Variants in SVOP observed in about 807,000 individuals in gnomAD.
The protein encoded by SVOP is synaptic vesicle 2-related protein.
In SVOP, 17 loss-of-function variants were observed where a neutral mutation model predicts 69.1. That is an observed-to-expected ratio of 0.25 (90% CI 0.17 to 0.37). SVOP has a LOEUF of 0.37. SVOP is among the 10% of genes least tolerant of loss of function. The pLI is 1.00. For synonymous variants in SVOP, 238 were observed against 238.6 expected, an observed-to-expected ratio of 1.00 and a Z score of 0.02; for missense variants, 435 against 597.5, an observed-to-expected ratio of 0.73 and a Z score of 2.84.
chr12:108,925,277 C>T (rs1261010565), intron 11 of SVOP, among the ~76,000 whole-genome samples: 3 of 152,188 alleles, frequency 2.0e-5, no homozygotes, highest in Non-Finnish European at 1.5e-5. Flanking sequence ...AAACGCCCTC[C>T]TTTCTCCTAC....
chr12:109,001,707 G>A (rs1416130594), intron 1 of SVOP, among the ~76,000 whole-genome samples: 30 of 146,176 alleles, frequency 2.1e-4, no homozygotes, highest in African/African-American at 7.4e-4. Flanking sequence ...AAGCAATGGG[G>A]AAAGGATTCC....
In SVOP at chr12:108,974,599, C is replaced by T. The variant is rs528808125; in HGVS notation, c.382-2123G>A. 1.4e-4 allele frequency among the ~76,000 whole-genome samples: 21 copies of T among 151,964 alleles called. No individual in the cohort carries two copies. In the South Asian group the frequency reaches 4.0e-3, roughly 29 times the overall value. ...TAAAAAAATTAGCTGGGCATGGTGG[C>T]GTGTGTCTTTGGTCCCAGCTGCTCA... On this transcript the variant is annotated intron_variant, in intron 4 of 15. Transcript: ENST00000610966.
Position 108,937,357 on chromosome 12 carries a change from T to C in SVOP, c.898-20A>G, listed in dbSNP as rs111316746. ...GTCTTCCTGTTTCAAAACAAGGACA[T>C]AGTGTTTATTCTCTCCCCTACAGAT... On this transcript the variant is annotated intron_variant, in intron 9 of 15. Transcript: ENST00000610966. 6.2e-7 allele frequency: 1 copy of C among 1,612,070 alleles called. No individual in the cohort carries two copies. The highest frequency in any genetic ancestry group is 8.5e-7 in the Non-Finnish European group (1 of 1,178,294).
intron 1 of SVOP, among the ~76,000 whole-genome samples, chr12:108,992,037 C>T (rs567025043): frequency 2.6e-5 from 4 of 152,172 alleles, no homozygotes; most frequent in African/African-American, 9.6e-5. Context: ...TGAAAGTCAG[C>T]GGTGTGCGTA....
Position 108,977,422 on chromosome 12 carries a change from G to C in SVOP, c.357C>G (p.Ser119Arg). The change falls in exon 4 of 16, where the codon AGC (serine) becomes AGG (arginine). Residue 119 changes from serine to arginine, a missense_variant. Physicochemically the swap from Ser to Arg is moderately radical, Grantham distance 110. Coordinates refer to ENST00000610966, the MANE Select transcript of SVOP (RefSeq NM_018711.5). The part of the protein sequence containing the change: ...PQLHCEWRLP[S>R]WQVALLTSVV... ...CCGAGGTCAGCAATGCCACCTGCCAGCTTGGGAGCCTCCACTCGCAATGCA... is the reference window on the plus strand; with the variant it reads ...CCGAGGTCAGCAATGCCACCTGCCACCTTGGGAGCCTCCACTCGCAATGCA... The C allele has an allele frequency of 6.5e-7, 1 of 1,537,208 alleles. No individual in the cohort carries two copies. Among genetic ancestry groups the C allele is most frequent in the African/African-American group, 1.4e-5 (1 of 73,182 alleles).
intron 1 of SVOP, among the ~76,000 whole-genome samples, chr12:109,010,935 G>A (rs2040337960): frequency 6.7e-6 from 1 of 150,326 alleles, no homozygotes; most frequent in Admixed American, 6.6e-5. Flanking sequence ...GTTTTTTGAG[G>A]CAGGGTCTCG....
intron 5 of SVOP, among the ~76,000 whole-genome samples, chr12:108,963,039 G>GA (rs1375110785): frequency 6.6e-6 from 1 of 151,780 alleles, no homozygotes; most frequent in African/African-American, 2.4e-5. Context: ...TTAGAGATTG[G>GA]AAAAAAAATT....
At chr12:108,920,758 C>T (rs539596892) in intron 12 of SVOP, among the ~76,000 whole-genome samples, 11 of 152,102 alleles carry the variant, frequency 7.2e-5, no homozygotes, top group African/African-American at 2.2e-4. Flanking sequence ...CCATCATGCC[C>T]AGCTAATTTT....
chr12:108,918,697 GA>G (rs1440747114), intron 13 of SVOP, among the ~76,000 whole-genome samples: 1 of 152,104 alleles, frequency 6.6e-6, no homozygotes, highest in East Asian at 1.9e-4. Context: ...TTGGCAAATG[GA>G]AAAATGGAGA....
rs1449497746 is a variant in SVOP at position 108,977,433 on chromosome 12, T to C, written c.346A>G (p.Arg116Gly). ...AATGCCACCTGCCAGCTTGGGAGCC[T>C]CCACTCGCAATGCAGCTGTGGTGCC... Reference protein sequence around the residue: ...ILAPQLHCEWRLPSWQVALLT... With the variant: ...ILAPQLHCEWGLPSWQVALLT... The change falls in exon 4 of 16, where the codon AGG (arginine) becomes GGG (glycine). Residue 116 changes from arginine (R) to glycine (G), a missense_variant. Physicochemically the swap from Arg to Gly is moderately radical, Grantham distance 125. Coordinates refer to ENST00000610966, the MANE Select transcript of SVOP (RefSeq NM_018711.5). The C allele has an allele frequency of 6.5e-7, 1 of 1,537,178 alleles. No homozygotes were observed. Among genetic ancestry groups the C allele is most frequent in the Non-Finnish European group, 8.7e-7 (1 of 1,146,878 alleles).
At chr12:108,945,991 A>G in intron 6 of SVOP, among the ~76,000 whole-genome samples, 1 of 152,238 alleles carries the variant, frequency 6.6e-6, no homozygotes, top group Non-Finnish European at 1.5e-5. Flanking sequence ...TATTCAGATT[A>G]TGCCAATATC....
intron 1 of SVOP, among the ~76,000 whole-genome samples, chr12:108,989,371 C>T (rs1219171319): frequency 6.6e-6 from 1 of 152,114 alleles, no homozygotes; most frequent in Non-Finnish European, 1.5e-5. Flanking sequence ...TTTCTGAAAA[C>T]AGTGAGATGG....
chr12:108,941,947 G>A (rs188002285), intron 7 of SVOP, among the ~76,000 whole-genome samples: 9 of 152,252 alleles, frequency 5.9e-5, no homozygotes, highest in Admixed American at 1.3e-4. Flanking sequence ...TTACAGGCAT[G>A]AGCCACCACG....
intron 1 of SVOP, among the ~76,000 whole-genome samples, chr12:109,009,830 G>A (rs2040331031): frequency 6.6e-6 from 1 of 152,136 alleles, no homozygotes; most frequent in Non-Finnish European, 1.5e-5. Context: ...GGTGGGTAGA[G>A]GAGGCCAGAA....
At chr12:109,002,937 AC>A (rs2040281553) in intron 1 of SVOP, among the ~76,000 whole-genome samples, 1 of 151,644 alleles carries the variant, frequency 6.6e-6, no homozygotes, top group African/African-American at 2.4e-5. Flanking sequence ...GTGCACATGT[AC>A]CCTAAAACTT....
intron 7 of SVOP, among the ~76,000 whole-genome samples, chr12:108,943,223 G>A (rs185383477): frequency 2.0e-5 from 3 of 152,170 alleles, no homozygotes; most frequent in East Asian, 3.9e-4. Flanking sequence ...TTGCTTAAGT[G>A]AATCACAGTC....
chr12:108,937,087 A>C (rs994616086), intron 10 of SVOP, 177 bp downstream of exon 10: 13 of 618,926 alleles, frequency 2.1e-5, no homozygotes, highest in East Asian at 5.7e-5. Flanking sequence ...AGGAAATGAT[A>C]GTACGTACAG....
chr12:109,001,654 G>A (rs12304792), intron 1 of SVOP, among the ~76,000 whole-genome samples: 10,242 of 136,922 alleles, frequency 0.075, 660 homozygotes, highest in Admixed American at 0.22. Flanking sequence ...AAATAATGCC[G>A]CATATCTACA....
At chr12:109,011,885 G>A (rs1435082911) in intron 1 of SVOP, among the ~76,000 whole-genome samples, 2 of 152,174 alleles carry the variant, frequency 1.3e-5, no homozygotes, top group East Asian at 3.9e-4. Flanking sequence ...TCATTTATAT[G>A]TGGAATCTGA....
Sources: gnomAD v4.1 joint callset for allele counts (sites outside exome capture counted in the v4.1 genomes callset) on GRCh38, gnomAD v4.1.1 for gene constraint, MANE v1.5 for transcripts, NCBI Gene and HGNC (gene_info 2026-07-23, HGNC 2026-07-21) for gene names.